Variants in TRAPPC9 observed in about 807,000 individuals in gnomAD.
TRAPPC9 encodes the protein IKK2 binding protein.
TRAPPC9 carries 83 observed loss-of-function variants against 124.0 expected under a neutral mutation model. The ratio of observed to expected loss-of-function variants is 0.67; its 90% CI spans 0.56 to 0.80. TRAPPC9 has a LOEUF of 0.80. Among genes scored for constraint, TRAPPC9 ranks in the 30% least tolerant of loss-of-function variants. TRAPPC9 has a pLI of 0.00. For missense variants in TRAPPC9, 1,302 were observed against 1,508.3 expected (o/e 0.86, Z 2.27); for synonymous variants, 638 against 617.5 (o/e 1.03, Z -0.49).
At chr8:140,428,531 G>C (rs1310317465) in intron 4 of TRAPPC9, among the ~76,000 whole-genome samples, 2 of 152,124 alleles carry the variant, frequency 1.3e-5, no homozygotes. Flanking sequence ...TCTACAGCAG[G>C]ATCCTGACAC....
intron 2 of TRAPPC9, among the ~76,000 whole-genome samples, chr8:140,443,234 G>A (rs979220469): frequency 1.3e-5 from 2 of 148,664 alleles, no homozygotes; most frequent in African/African-American, 2.5e-5. Context: ...AGGAGATCGA[G>A]ACCATCCTGG....
intron 19 of TRAPPC9, among the ~76,000 whole-genome samples, chr8:139,956,334 T>C (rs1458786280): frequency 6.6e-6 from 1 of 152,140 alleles, no homozygotes; most frequent in Non-Finnish European, 1.5e-5. Context: ...GATAATTTTT[T>C]GTATTTTTAG....
At chr8:139,925,107 G>A (rs982758597) in intron 19 of TRAPPC9, among the ~76,000 whole-genome samples, 3 of 152,174 alleles carry the variant, frequency 2.0e-5, no homozygotes, top group Admixed American at 6.5e-5. Flanking sequence ...TGAGGAATCC[G>A]GGAGTAAAAC....
chr8:139,987,132 C>T (rs966533789), intron 19 of TRAPPC9, among the ~76,000 whole-genome samples: 5 of 152,098 alleles, frequency 3.3e-5, no homozygotes, highest in East Asian at 1.9e-4. Context: ...CACACCATTC[C>T]GTTTGTAAGA....
chr8:140,457,706 T>A lies in TRAPPC9; in HGVS notation c.-78A>T. 2 of 988,264 alleles carry A rather than the reference T, an allele frequency of 2.0e-6. No homozygotes were observed. Among genetic ancestry groups the A allele is most frequent in the Non-Finnish European group, 2.4e-6 (2 of 831,758 alleles). 61.2% of individuals were successfully genotyped at this position (988,264 alleles called of 1,614,324 possible). ...GCGGGCAGCGGGGCCGAGCAGCCTC[T>A]GCGGCCACTTCCCAGGCTCTGGGCT... On this transcript the variant is annotated 5_prime_UTR_variant, in exon 1 of 23. Coordinates refer to ENST00000438773, the MANE Select transcript of TRAPPC9 (RefSeq NM_001160372.4).
At chr8:140,400,790 G>A (rs1158435799) in intron 6 of TRAPPC9, among the ~76,000 whole-genome samples, 2 of 152,098 alleles carry the variant, frequency 1.3e-5, no homozygotes, top group Non-Finnish European at 2.9e-5. Context: ...TCAGGTTCCA[G>A]AACCCTTCCA....
intron 21 of TRAPPC9, among the ~76,000 whole-genome samples, chr8:139,874,218 C>G (rs1406957540): frequency 1.3e-5 from 2 of 152,220 alleles, no homozygotes; most frequent in African/African-American, 4.8e-5. Flanking sequence ...CTCAGTGCAT[C>G]TGGGCACATC....
intron 15 of TRAPPC9, among the ~76,000 whole-genome samples, chr8:140,275,304 A>T (rs746363968): frequency 6.6e-6 from 1 of 152,224 alleles, no homozygotes; most frequent in Non-Finnish European, 1.5e-5. Context: ...GACTCTTTCC[A>T]GGCCTGCTAA....
At chr8:140,419,101 G>A (rs2070064208) in intron 5 of TRAPPC9, among the ~76,000 whole-genome samples, 2 of 152,154 alleles carry the variant, frequency 1.3e-5, no homozygotes, top group East Asian at 1.9e-4. Flanking sequence ...AGATCATCCT[G>A]GCTAACACGG....
At chr8:140,298,235 C>A (rs948256595) in intron 11 of TRAPPC9, among the ~76,000 whole-genome samples, 1 of 152,218 alleles carries the variant, frequency 6.6e-6, no homozygotes, top group African/African-American at 2.4e-5. Context: ...AACTTTATTT[C>A]CTCTGAAGCA....
chr8:139,921,363 C>T (rs1465070464), intron 19 of TRAPPC9, among the ~76,000 whole-genome samples: 1 of 152,162 alleles, frequency 6.6e-6, no homozygotes, highest in Non-Finnish European at 1.5e-5. Context: ...AAACTCAGTG[C>T]ATGGGGACAT....
chr8:140,400,911 C>G (rs1365357081), intron 6 of TRAPPC9, among the ~76,000 whole-genome samples: 1 of 152,172 alleles, frequency 6.6e-6, no homozygotes, highest in Non-Finnish European at 1.5e-5. Flanking sequence ...TTTTTGTTTT[C>G]TACTCCAAAC....
intron 19 of TRAPPC9, among the ~76,000 whole-genome samples, chr8:139,957,381 C>A (rs763114760): frequency 1.6e-4 from 24 of 152,224 alleles, no homozygotes; most frequent in Non-Finnish European, 3.4e-4. Context: ...TACGTGTAGC[C>A]TTTTCTTTTT....
intron 13 of TRAPPC9, 151 bp from the exon 14 acceptor site, chr8:140,284,172 C>T (rs1563916048): frequency 2.2e-6 from 2 of 905,440 alleles, no homozygotes; most frequent in Non-Finnish European, 1.8e-6. Context: ...CACACTCCCG[C>T]CCTCAACCCC....
rs1009275971 is a variant in TRAPPC9 at position 139,728,619 on chromosome 8, G to C, written c.*2442C>G. On this transcript the variant is annotated 3_prime_UTR_variant, in exon 23 of 23. Transcript: ENST00000438773. ...CTGGCTCCCCACATCCCACGGTAAA[G>C]CTCCAAACGCTTGGAGCACACACAA... Among the ~76,000 whole-genome samples, 4 of 152,184 alleles carry C rather than the reference G, an allele frequency of 2.6e-5. No individual in the cohort carries two copies. The highest frequency in any genetic ancestry group is 2.6e-4 in the Admixed American group (4 of 15,282).
chr8:139,787,142 C>G (rs559352262), intron 21 of TRAPPC9, among the ~76,000 whole-genome samples: 1 of 152,214 alleles, frequency 6.6e-6, no homozygotes, highest in Non-Finnish European at 1.5e-5. Flanking sequence ...CCTTGCCTTT[C>G]TTATGAAAAC....
At chr8:139,805,127 C>T (rs1374871974) in intron 21 of TRAPPC9, among the ~76,000 whole-genome samples, 1 of 152,226 alleles carries the variant, frequency 6.6e-6, no homozygotes, top group Non-Finnish European at 1.5e-5. Flanking sequence ...GAAGGTCAGA[C>T]TATAGCTCTC....
intron 21 of TRAPPC9, among the ~76,000 whole-genome samples, chr8:139,826,632 A>G (rs534321295): frequency 2.1e-4 from 32 of 152,282 alleles, no homozygotes; most frequent in Admixed American, 5.2e-4. Flanking sequence ...ATGGACAGGA[A>G]AGGGCAGAGG....
intron 17 of TRAPPC9, among the ~76,000 whole-genome samples, chr8:140,122,137 C>A (rs978192269): frequency 1.8e-4 from 28 of 151,940 alleles, no homozygotes; most frequent in Non-Finnish European, 1.6e-4. Context: ...CAAGGATCTG[C>A]AGGTGGCCTC....
Sources: gnomAD v4.1 joint callset for allele counts (sites outside exome capture counted in the v4.1 genomes callset) on GRCh38, gnomAD v4.1.1 for gene constraint, MANE v1.5 for transcripts, NCBI Gene and HGNC (gene_info 2026-07-23, HGNC 2026-07-21) for gene names.